Variants in SNAPC3 observed in about 807,000 individuals in gnomAD.
The protein encoded by SNAPC3 is small nuclear RNA activating complex polypeptide 3.
Under a neutral mutation model 47.7 loss-of-function variants are expected in SNAPC3, and 56 were observed. The ratio of observed to expected loss-of-function variants is 1.18; its 90% CI spans 0.95 to 1.47. The LOEUF is 1.47. Ranked by LOEUF, SNAPC3 falls within the 40% of genes most tolerant of loss-of-function variation. SNAPC3 has a pLI of 0.00. For missense variants in SNAPC3, 665 were observed against 511.3 expected, an observed-to-expected ratio of 1.30 and a Z score of -2.90; for synonymous variants, 235 against 189.9, an observed-to-expected ratio of 1.24 and a Z score of -1.95.
chr9:15,432,474 A>T (rs1345558852), intron 2 of SNAPC3, among the ~76,000 whole-genome samples: 4 of 152,144 alleles, frequency 2.6e-5, no homozygotes, highest in African/African-American at 7.2e-5. Context: ...GAGACAAGAA[A>T]AATATAGGAT....
chr9:15,465,406 C>A, downstream of SNAPC3: 1 of 917,638 alleles, frequency 1.1e-6, no homozygotes, highest in Non-Finnish European at 1.7e-6. Context: ...TCCCTCAAAA[C>A]AAGTTTTCAA....
chr9:15,466,204 C>G (rs1365421976), downstream of SNAPC3, among the ~76,000 whole-genome samples: 1 of 152,206 alleles, frequency 6.6e-6, no homozygotes, highest in South Asian at 2.1e-4. Context: ...ATGGTGAAAC[C>G]TCATCTCTAC....
chr9:15,445,955 C>A lies in SNAPC3; in HGVS notation c.583-1140C>A, dbSNP rs557766246. Among the ~76,000 whole-genome samples, 5 of 152,094 alleles carry A rather than the reference C, an allele frequency of 3.3e-5. No individual in the cohort carries two copies. In the South Asian group the frequency reaches 1.0e-3, roughly 32 times the overall value. ...TCCCTCACCGCCACCCCCTTCTCCCCAGAAAAAGATCCCAAATGACCAATC... is the reference window on the plus strand; with the variant it reads ...TCCCTCACCGCCACCCCCTTCTCCCAAGAAAAAGATCCCAAATGACCAATC... On this transcript the variant is annotated intron_variant, in intron 4 of 8. Coordinates refer to ENST00000380821, the MANE Select transcript of SNAPC3 (RefSeq NM_001039697.2).
intron 3 of SNAPC3, 184 bp downstream of exon 3, chr9:15,433,820 C>T (rs1178828277): frequency 2.4e-6 from 1 of 412,686 alleles, no homozygotes; most frequent in African/African-American, 2.1e-5. Flanking sequence ...CAAGTGACCA[C>T]ATGTTTGACT....
intron 3 of SNAPC3, among the ~76,000 whole-genome samples, chr9:15,437,199 A>C (rs1443336604): frequency 6.6e-6 from 1 of 151,490 alleles, no homozygotes; most frequent in Non-Finnish European, 1.5e-5. Context: ...TAAATATTTT[A>C]TTCTTTTGAA....
intron 3 of SNAPC3, among the ~76,000 whole-genome samples, chr9:15,439,474 G>A (rs186278058): frequency 1.3e-5 from 2 of 152,280 alleles, no homozygotes; most frequent in Non-Finnish European, 2.9e-5. Flanking sequence ...TCCCACATCA[G>A]CTTTCTGATA....
At chr9:15,450,584 TTC>T (rs1239962325) in intron 5 of SNAPC3, among the ~76,000 whole-genome samples, 1 of 152,212 alleles carries the variant, frequency 6.6e-6, no homozygotes, top group African/African-American at 2.4e-5. Flanking sequence ...AACTCAGGTC[TTC>T]TGACCCTCAT....
At chr9:15,439,683 C>T (rs536112036) in intron 3 of SNAPC3, among the ~76,000 whole-genome samples, 1 of 152,164 alleles carries the variant, frequency 6.6e-6, no homozygotes, top group South Asian at 2.1e-4. Flanking sequence ...TACAAGCACC[C>T]ACCACCACAC....
intron 3 of SNAPC3, among the ~76,000 whole-genome samples, chr9:15,440,946 C>G (rs2033284392): frequency 1.6e-5 from 1 of 64,160 alleles, no homozygotes; most frequent in Admixed American, 2.0e-4. Context: ...GAGACTCCGT[C>G]TCAAAAAAAA....
intron 4 of SNAPC3, among the ~76,000 whole-genome samples, chr9:15,445,694 C>T (rs1227761959): frequency 6.6e-6 from 1 of 152,044 alleles, no homozygotes; most frequent in Admixed American, 6.6e-5. Context: ...ACACCTATAT[C>T]CTCAGCACCT....
chr9:15,464,201 C>T (rs970986537), downstream of SNAPC3: 4 of 189,984 alleles, frequency 2.1e-5, no homozygotes, highest in Non-Finnish European at 4.4e-5. Context: ...TCTCTCAAAA[C>T]GGTGATTCCT....
chr9:15,456,396 C>G (rs2034795549), intron 7 of SNAPC3, among the ~76,000 whole-genome samples: 1 of 152,148 alleles, frequency 6.6e-6, no homozygotes, highest in Non-Finnish European at 1.5e-5. Context: ...CCATTAAACT[C>G]ATGGTAACTT....
At chr9:15,424,709 T>C (rs2031111089) in intron 2 of SNAPC3, among the ~76,000 whole-genome samples, 1 of 152,214 alleles carries the variant, frequency 6.6e-6, no homozygotes, top group Admixed American at 6.5e-5. Context: ...TGTTGTATGA[T>C]AATATAGAGA....
At chr9:15,465,394 T>C (rs969872571), downstream of SNAPC3, 1 of 788,926 alleles carries the variant, frequency 1.3e-6, no homozygotes, top group Non-Finnish European at 2.1e-6. Context: ...AAAGGGATTT[T>C]CTCCCTCAAA....
At chr9:15,428,842 G>T (rs2031784808) in intron 2 of SNAPC3, among the ~76,000 whole-genome samples, 1 of 152,036 alleles carries the variant, frequency 6.6e-6, no homozygotes, top group Non-Finnish European at 1.5e-5. Context: ...ATGAATCCGA[G>T]AAAGTAGGGA....
Position 15,459,889 on chromosome 9 carries a change from A to G in SNAPC3, c.*23A>G, listed in dbSNP as rs1563856898. On this transcript the variant is annotated 3_prime_UTR_variant, in exon 9 of 9. Transcript: ENST00000380821. Reference sequence around the variant, plus strand: ...TAAGAATAGCTACACTCACAAAAATACCCCCTCATGAAATAACTGTTCTCT... The same window carrying G: ...TAAGAATAGCTACACTCACAAAAATGCCCCCTCATGAAATAACTGTTCTCT... 6.3e-7 allele frequency: 1 copy of G among 1,596,640 alleles called. No homozygotes were observed. Among genetic ancestry groups the G allele is most frequent in the East Asian group, 2.2e-5 (1 of 44,632 alleles).
chr9:15,437,790 T>G (rs1331718721), intron 3 of SNAPC3, among the ~76,000 whole-genome samples: 2 of 152,216 alleles, frequency 1.3e-5, no homozygotes, highest in Non-Finnish European at 2.9e-5. Context: ...CATAACTGAA[T>G]GACATTAGAA....
chr9:15,466,641 G>A (rs1357848967), downstream of SNAPC3: 4 of 793,124 alleles, frequency 5.0e-6, no homozygotes, highest in Non-Finnish European at 7.6e-6. Context: ...GGAATTGGGT[G>A]ATCAAAAGAT....
At chr9:15,457,172 T>C (rs944358382) in intron 7 of SNAPC3, among the ~76,000 whole-genome samples, 1 of 152,132 alleles carries the variant, frequency 6.6e-6, no homozygotes, top group Non-Finnish European at 1.5e-5. Context: ...CCAATTCATA[T>C]TATGCCAGGA....
Sources: allele counts gnomAD v4.1 joint callset (sites outside exome capture counted in the v4.1 genomes callset), GRCh38; gene constraint gnomAD v4.1.1; transcripts MANE v1.5; gene names NCBI Gene and HGNC (gene_info 2026-07-23, HGNC 2026-07-21).